The following MBP variants were observed in gnomAD, a reference collection of about 807,000 sequenced individuals.
MBP encodes myelin basic protein, also known as Golli-MBP.
Under a neutral mutation model 35.8 loss-of-function variants are expected in MBP, and 16 were observed. The observed-to-expected ratio is 0.45, with a 90% CI of 0.30 to 0.68. MBP has a LOEUF of 0.68. Ranked by LOEUF, MBP falls within the 30% of genes least tolerant of loss-of-function variation. MBP has a pLI of 0.08. For missense variants in MBP, 380 were observed against 404.7 expected, an observed-to-expected ratio of 0.94 and a Z score of 0.52; for synonymous variants, 143 against 159.6, an observed-to-expected ratio of 0.90 and a Z score of 0.78.
chr18:77,103,662 G>C (rs1276537743), intron 2 of MBP, among the ~76,000 whole-genome samples: 1 of 152,192 alleles, frequency 6.6e-6, no homozygotes, highest in Non-Finnish European at 1.5e-5. Flanking sequence ...TGGGTCCACT[G>C]TTCTGTGCAC....
rs1969717031 is a variant in MBP, at chr18:76,988,739, A to G, written c.717+138T>C. The G allele has an allele frequency of 7.6e-7, 1 of 1,317,092 alleles. No individual in the cohort carries two copies. The allele number at this position is 1,317,092 out of a possible 1,614,324, so 81.6% of individuals were successfully genotyped here. On this transcript the variant is annotated intron_variant, in intron 6 of 8. Coordinates refer to ENST00000355994, the MANE Select transcript of MBP (RefSeq NM_001025101.2). This position sits in a 1 kb window ranked among gnomAD's most constrained non-coding sequence, Gnocchi z 5.2. ...GTGCATGGATCTGCCGACCTGTTCT[A>G]CTTGGGAGCTGCCTGGCAACACGTT...
intron 2 of MBP, among the ~76,000 whole-genome samples, chr18:77,077,869 T>G (rs1444740610): frequency 6.6e-6 from 1 of 152,244 alleles, no homozygotes; most frequent in Non-Finnish European, 1.5e-5. Context: ...GGATTGCTAT[T>G]TTAATTCGGG....
At chr18:76,982,800 G>A (rs1969284163) in intron 8 of MBP, 1 of 152,228 alleles carries the variant, frequency 6.6e-6, no homozygotes, top group Non-Finnish European at 1.5e-5. Flanking sequence ...TATGGCCATA[G>A]TAGGCCAGTT....
chr18:77,070,284 G>T (rs748868546), intron 2 of MBP, among the ~76,000 whole-genome samples: 2 of 152,190 alleles, frequency 1.3e-5, no homozygotes, highest in Non-Finnish European at 2.9e-5. Context: ...GTGACTGCAC[G>T]TGTCGACACG....
At chr18:77,112,306 A>G (rs1976492497) in intron 1 of MBP, among the ~76,000 whole-genome samples, 1 of 152,170 alleles carries the variant, frequency 6.6e-6, no homozygotes, top group Non-Finnish European at 1.5e-5. Context: ...TGCGCGCTGC[A>G]CACTCCTTCC....
chr18:77,107,447 C>A (rs1378473112), intron 1 of MBP, among the ~76,000 whole-genome samples: 1 of 152,168 alleles, frequency 6.6e-6, no homozygotes, highest in Non-Finnish European at 1.5e-5. Context: ...TATGCTGGGA[C>A]TAGGCAAACA....
intron 3 of MBP, among the ~76,000 whole-genome samples, chr18:77,063,530 C>T (rs150368958): frequency 4.7e-4 from 71 of 152,252 alleles, no homozygotes; most frequent in East Asian, 2.9e-3. Context: ...GGCACACTCA[C>T]GGGCAGAAAG....
chr18:77,075,935 C>T lies in MBP; in HGVS notation c.52-9550G>A, dbSNP rs142383507. Among the ~76,000 whole-genome samples the T allele has an allele frequency of 4.7e-3, 719 of 152,242 alleles. 5 individuals carry two copies. Among genetic ancestry groups the T allele is most frequent in the Non-Finnish European group, 6.5e-3 (442 of 68,014 alleles). On this transcript the variant is annotated intron_variant, in intron 2 of 8. Coordinates refer to ENST00000355994, the MANE Select transcript of MBP (RefSeq NM_001025101.2). ...GGGGACTGTTGGCCTCTGGAGGCAA[C>T]GGGCATAAAATGCTGATCTGAATAT...
chr18:77,088,423 C>T (rs1250850373), intron 2 of MBP, among the ~76,000 whole-genome samples: 2 of 152,160 alleles, frequency 1.3e-5, no homozygotes, highest in African/African-American at 4.8e-5. Flanking sequence ...TAGGTACCAA[C>T]GTATGACTGT....
chr18:76,988,804 T>C lies in MBP; in HGVS notation c.717+73A>G. 4 of 1,513,202 alleles carry C rather than the reference T, an allele frequency of 2.6e-6. No individual in the cohort carries two copies. The highest frequency in any genetic ancestry group is 3.6e-6 in the Non-Finnish European group (4 of 1,105,776). 93.7% of individuals were successfully genotyped at this position (1,513,202 alleles called of 1,614,324 possible). A position where few individuals can be genotyped will look rare whatever the true frequency, so the allele number is the denominator to read the frequency against. On this transcript the variant is annotated intron_variant, in intron 6 of 8. Coordinates refer to ENST00000355994, the MANE Select transcript of MBP (RefSeq NM_001025101.2). The surrounding 1 kb of genome is among the most constrained non-coding windows in gnomAD (Gnocchi z 5.2). ...GGTAGCTCGGAGCCTAACTCTCTCT[T>C]TGGTACATTATGGGATTTTAGAGAA...
intron 7 of MBP, chr18:76,986,979 C>T (rs931911375): frequency 6.1e-6 from 6 of 985,254 alleles, no homozygotes; most frequent in Admixed American, 1.2e-4. Flanking sequence ...GAGAGTCCTG[C>T]GGCTCTGGGA....
rs1976228499 is a variant in MBP, at chr18:77,105,274, G to C, written c.-13C>G. ...CGTGGTTTCCCATCCTGAATGGATT[G>C]GCTCTTCAGAGGCTAAAAGAGAAAG... On this transcript the variant is annotated 5_prime_UTR_variant, in exon 2 of 9. Transcript: ENST00000355994. The C allele has an allele frequency of 6.2e-7, 1 of 1,609,806 alleles. No individual in the cohort carries two copies. The highest frequency in any genetic ancestry group is 8.5e-7 in the Non-Finnish European group (1 of 1,176,816).
At chr18:77,077,819 C>T (rs1474596969) in intron 2 of MBP, among the ~76,000 whole-genome samples, 2 of 152,230 alleles carry the variant, frequency 1.3e-5, no homozygotes, top group East Asian at 3.8e-4. Context: ...GAAAATAAGG[C>T]ACATTATAGA....
At chr18:76,993,742 C>T (rs766516462) in intron 4 of MBP, among the ~76,000 whole-genome samples, 13 of 152,178 alleles carry the variant, frequency 8.5e-5, no homozygotes, top group African/African-American at 2.4e-4. Context: ...AGGCCACTGG[C>T]GCTCTGCCTG....
intron 2 of MBP, among the ~76,000 whole-genome samples, chr18:77,086,583 A>T (rs901561595): frequency 1.3e-5 from 2 of 152,252 alleles, no homozygotes; most frequent in Non-Finnish European, 2.9e-5. Context: ...TAATCTATCC[A>T]GGAATAATGC....
intron 4 of MBP, among the ~76,000 whole-genome samples, chr18:77,010,459 A>C (rs1971279885): frequency 6.6e-6 from 1 of 152,226 alleles, no homozygotes; most frequent in Non-Finnish European, 1.5e-5. Flanking sequence ...TTGGATTTAC[A>C]GGTTGAAACT....
At chr18:77,103,064 G>A (rs1267430763) in intron 2 of MBP, among the ~76,000 whole-genome samples, 1 of 152,088 alleles carries the variant, frequency 6.6e-6, no homozygotes. Flanking sequence ...CCTTAGGTAA[G>A]AAACTAAATA....
At chr18:77,112,273 C>T (rs911431856) in intron 1 of MBP, among the ~76,000 whole-genome samples, 1 of 152,152 alleles carries the variant, frequency 6.6e-6, no homozygotes, top group Non-Finnish European at 1.5e-5. Flanking sequence ...TTCACCCAGG[C>T]GGGTGGCGGC....
upstream of MBP, chr18:77,133,506 C>G (rs1411859515): frequency 6.6e-6 from 1 of 152,286 alleles, no homozygotes; most frequent in African/African-American, 2.4e-5. Context: ...GCTGTTTAGC[C>G]GTGACTCACC....
Sources: gnomAD v4.1 joint callset for allele counts (sites outside exome capture counted in the v4.1 genomes callset) on GRCh38, gnomAD v4.1.1 for gene constraint, Gnocchi (gnomAD v3.1) non-coding constraint, MANE v1.5 for transcripts, NCBI Gene and HGNC (gene_info 2026-07-23, HGNC 2026-07-21) for gene names.